Variants in ITPR2 observed in about 807,000 individuals in gnomAD.
ITPR2 encodes inositol 1,4,5-trisphosphate receptor type 2.
ITPR2 carries 207 observed loss-of-function variants against 317.1 expected under a neutral mutation model. That is an observed-to-expected ratio of 0.65 (90% CI 0.58 to 0.73). The LOEUF (loss-of-function observed/expected upper bound fraction) is 0.73. Among genes scored for constraint, ITPR2 ranks in the 30% least tolerant of loss-of-function variants. The pLI, the probability that ITPR2 is intolerant of heterozygous loss-of-function variation, is 0.00. For synonymous variants in ITPR2, 1,156 were observed against 1,149.1 expected, an observed-to-expected ratio of 1.01 and a Z score of -0.12; for missense variants, 2,613 against 3,284.0, an observed-to-expected ratio of 0.80 and a Z score of 4.99.
chr12:26,781,990 C>CTATA lies in ITPR2; in HGVS notation c.163+8166_163+8167insTATA, dbSNP rs1491564819. Among the ~76,000 whole-genome samples the CTATA allele has an allele frequency of 7.0e-4, 42 of 60,344 alleles. 3 individuals are homozygous for CTATA. The highest frequency in any genetic ancestry group is 2.4e-3 in the African/African-American group (36 of 15,050). The allele number at this position is 60,344 out of a possible 152,430, so 39.6% of individuals were successfully genotyped here. A position where few individuals can be genotyped will look rare whatever the true frequency, so the allele number is the denominator to read the frequency against. On this transcript the variant is annotated intron_variant, in intron 2 of 56. Transcript: ENST00000381340. ...AGTTAATACTACTTAATAAACTCCC[C>CTATA]TGTATATATATATATATATATATAT...
At chr12:26,429,074 T>G (rs1941139228) in intron 48 of ITPR2, among the ~76,000 whole-genome samples, 1 of 152,238 alleles carries the variant, frequency 6.6e-6, no homozygotes, top group Non-Finnish European at 1.5e-5. Flanking sequence ...GGGCTTGATA[T>G]GCATAGCTTT....
intron 55 of ITPR2, among the ~76,000 whole-genome samples, chr12:26,379,334 T>C (rs1414058905): frequency 6.6e-6 from 1 of 152,202 alleles, no homozygotes; most frequent in African/African-American, 2.4e-5. Context: ...AGTCAACACT[T>C]ACCCATGTCA....
intron 32 of ITPR2, among the ~76,000 whole-genome samples, chr12:26,586,993 C>T (rs1945545969): frequency 6.6e-6 from 1 of 151,720 alleles, no homozygotes; most frequent in Admixed American, 6.6e-5. Flanking sequence ...TCCCTTTCCA[C>T]TAATAGGTGA....
At chr12:26,618,852 A>G (rs1026276412) in intron 26 of ITPR2, among the ~76,000 whole-genome samples, 3 of 152,258 alleles carry the variant, frequency 2.0e-5, no homozygotes, top group Non-Finnish European at 4.4e-5. Context: ...ATACATCAAC[A>G]AGGATGAACA....
At chr12:26,759,822 A>C (rs536046564) in intron 2 of ITPR2, among the ~76,000 whole-genome samples, 1 of 152,364 alleles carries the variant, frequency 6.6e-6, no homozygotes, top group South Asian at 2.1e-4. Context: ...AAAAAAACTA[A>C]CAGCAATATG....
intron 2 of ITPR2, among the ~76,000 whole-genome samples, chr12:26,730,573 C>A (rs1184774772): frequency 6.6e-6 from 1 of 152,078 alleles, no homozygotes; most frequent in Non-Finnish European, 1.5e-5. Context: ...AAAAGCTTAA[C>A]CTTAAGACCT....
At chr12:26,747,665 A>G (rs767268126) in intron 2 of ITPR2, among the ~76,000 whole-genome samples, 1 of 152,200 alleles carries the variant, frequency 6.6e-6, no homozygotes, top group Admixed American at 6.5e-5. Context: ...TCTCAGCAGA[A>G]GAACTGAGAA....
intron 55 of ITPR2, among the ~76,000 whole-genome samples, chr12:26,345,854 A>T (rs1297767986): frequency 6.7e-6 from 1 of 150,034 alleles, no homozygotes; most frequent in Non-Finnish European, 1.5e-5. Flanking sequence ...GTCGACTTGT[A>T]ATATGTATGC....
intron 10 of ITPR2, 114 bp from the exon 11 acceptor site, chr12:26,686,746 T>C: frequency 1.1e-6 from 1 of 922,802 alleles, no homozygotes; most frequent in African/African-American, 1.7e-5. Flanking sequence ...ATTGAAGAGG[T>C]GTCTATTTCA....
chr12:26,822,559 TC>T (rs1950953199), intron 1 of ITPR2, among the ~76,000 whole-genome samples: 1 of 152,196 alleles, frequency 6.6e-6, no homozygotes, highest in African/African-American at 2.4e-5. Context: ...TGCCAATGTT[TC>T]CAGGCATTTA....
intron 34 of ITPR2, among the ~76,000 whole-genome samples, chr12:26,575,618 A>T (rs1303030134): frequency 6.6e-6 from 1 of 152,196 alleles, no homozygotes; most frequent in South Asian, 2.1e-4. Context: ...CTTATCACAC[A>T]TGTCTTTATA....
chr12:26,433,998 T>TA (rs1296717447), intron 48 of ITPR2, among the ~76,000 whole-genome samples: 2 of 152,132 alleles, frequency 1.3e-5, no homozygotes, highest in African/African-American at 2.4e-5. Flanking sequence ...TAGGGTAAAT[T>TA]AAAAAACATT....
intron 32 of ITPR2, among the ~76,000 whole-genome samples, chr12:26,590,133 G>A (rs1444107673): frequency 6.6e-6 from 1 of 152,008 alleles, no homozygotes; most frequent in Non-Finnish European, 1.5e-5. Flanking sequence ...GAAAAGCACT[G>A]AATGATGCTA....
intron 37 of ITPR2, among the ~76,000 whole-genome samples, chr12:26,516,080 C>T (rs1461781474): frequency 6.7e-6 from 1 of 149,696 alleles, no homozygotes; most frequent in Non-Finnish European, 1.5e-5. Context: ...GCCATGATTG[C>T]ACCACTGAAC....
At chr12:26,794,776 A>G (rs1950402139) in intron 1 of ITPR2, among the ~76,000 whole-genome samples, 1 of 152,194 alleles carries the variant, frequency 6.6e-6, no homozygotes, top group African/African-American at 2.4e-5. Context: ...TCTCTTGCAG[A>G]TTAGAGAGAT....
chr12:26,624,193 G>C (rs1946564654), intron 24 of ITPR2, 106 bp downstream of exon 24: 6 of 742,470 alleles, frequency 8.1e-6, no homozygotes, highest in Non-Finnish European at 1.4e-5. Flanking sequence ...AACAATAGAG[G>C]GTCTAAAAAT....
In ITPR2 at chr12:26,338,617, TTACTGTTGGC is replaced by T. The variant is rs1396294997; in HGVS notation, c.*770_*779del. 6.6e-5 allele frequency: 10 copies of T among 152,242 alleles called. No homozygotes were observed. The highest frequency in any genetic ancestry group is 1.5e-4 in the Non-Finnish European group (10 of 68,044). 9.4% of individuals were successfully genotyped at this position (152,242 alleles called of 1,614,324 possible). ...GTCTCAAAAAACCCTTTCCTGGGGC[TTACTGTTGGC>T]TTTTTATTCCCCCAGATCTTCTTAA... On this transcript the variant is annotated 3_prime_UTR_variant, in exon 57 of 57. Transcript: ENST00000381340.
At chr12:26,616,917 TC>T (rs145600071) in intron 26 of ITPR2, among the ~76,000 whole-genome samples, 3,672 of 152,256 alleles carry the variant, frequency 0.024, 156 homozygotes, top group African/African-American at 0.085. Flanking sequence ...AAATATATTT[TC>T]TTTTCCTTAC....
At chr12:26,487,004 A>G in intron 40 of ITPR2, 64 bp downstream of exon 40, 1 of 1,394,100 alleles carries the variant, frequency 7.2e-7, no homozygotes, top group Non-Finnish European at 1.0e-6. Context: ...TGTTAATGAG[A>G]TTTAAACGCT....
Sources: allele counts gnomAD v4.1 joint callset (sites outside exome capture counted in the v4.1 genomes callset), GRCh38; gene constraint gnomAD v4.1.1; transcripts MANE v1.5; gene names NCBI Gene and HGNC (gene_info 2026-07-23, HGNC 2026-07-21).